Variants in CACNA2D1 observed in about 807,000 individuals in gnomAD.
CACNA2D1 encodes the protein voltage-dependent calcium channel subunit alpha-2/delta-1.
Under a neutral mutation model 171.5 loss-of-function variants are expected in CACNA2D1, and 53 were observed. The observed-to-expected ratio is 0.31, with a 90% CI of 0.25 to 0.39. The LOEUF (loss-of-function observed/expected upper bound fraction) is 0.39. Ranked by LOEUF, CACNA2D1 falls within the 10% of genes least tolerant of loss-of-function variation. The probability of loss-of-function intolerance (pLI) is 1.00; values close to 1 mark genes in which losing one functional copy is unlikely to be tolerated. For synonymous variants in CACNA2D1, 442 were observed against 443.1 expected (o/e 1.00, Z 0.03); for missense variants, 903 against 1,299.8 (o/e 0.69, Z 4.69).
chr7:82,077,205 TG>T lies in CACNA2D1; in HGVS notation c.658+7563del, dbSNP rs551795797. 2.3e-3 allele frequency among the ~76,000 whole-genome samples: 344 copies of T among 152,302 alleles called. 1 individual carries two copies. The highest frequency in any genetic ancestry group is 7.9e-3 in the African/African-American group (329 of 41,576). ...GTCCATATAGTAACCATAGCAGAGA[TG>T]CTTTTTGTTCCCCAATATCTGTTTT... is the stretch of plus-strand genomic sequence containing the variant. On this transcript the variant is annotated intron_variant, in intron 7 of 38. Transcript: ENST00000356860.
At chr7:82,039,817 T>A (rs1166354807) in intron 10 of CACNA2D1, among the ~76,000 whole-genome samples, 3 of 152,112 alleles carry the variant, frequency 2.0e-5, no homozygotes, top group African/African-American at 7.2e-5. Flanking sequence ...AGAAGCCTTT[T>A]TAAGAAAACA....
intron 3 of CACNA2D1, among the ~76,000 whole-genome samples, chr7:82,262,248 GT>G (rs752495646): frequency 2.6e-5 from 4 of 152,112 alleles, no homozygotes; most frequent in Non-Finnish European, 4.4e-5. Flanking sequence ...GGAGAATGGC[GT>G]GAACCCAGGA....
At chr7:82,426,628 T>G (rs1475758030) in intron 1 of CACNA2D1, among the ~76,000 whole-genome samples, 2 of 152,232 alleles carry the variant, frequency 1.3e-5, no homozygotes, top group East Asian at 3.8e-4. Flanking sequence ...TTATGTATCT[T>G]TAACGTTACA....
At chr7:81,970,848 C>G (rs1485146206) in intron 26 of CACNA2D1, 111 bp from the exon 27 acceptor site, 4 of 742,648 alleles carry the variant, frequency 5.4e-6, no homozygotes, top group African/African-American at 1.7e-5. Flanking sequence ...GGAAATATAT[C>G]AATAGATACA....
At chr7:82,282,009 T>C (rs1810169492) in intron 3 of CACNA2D1, among the ~76,000 whole-genome samples, 2 of 152,194 alleles carry the variant, frequency 1.3e-5, no homozygotes, top group African/African-American at 2.4e-5. Context: ...CTAAATCTAA[T>C]CTGTTGGCCA....
At chr7:82,144,255 C>T (rs1792729500) in intron 4 of CACNA2D1, among the ~76,000 whole-genome samples, 1 of 152,024 alleles carries the variant, frequency 6.6e-6, no homozygotes, top group Non-Finnish European at 1.5e-5. Flanking sequence ...TAATACCATA[C>T]TTCCTACAAT....
chr7:82,405,472 C>T (rs1001507656), intron 1 of CACNA2D1, among the ~76,000 whole-genome samples: 4 of 151,922 alleles, frequency 2.6e-5, no homozygotes, highest in African/African-American at 9.7e-5. Context: ...TTGCAACATC[C>T]CTGGGAAAAA....
intron 10 of CACNA2D1, among the ~76,000 whole-genome samples, chr7:82,046,333 A>G (rs1001061186): frequency 2.0e-5 from 3 of 152,192 alleles, no homozygotes; most frequent in Non-Finnish European, 4.4e-5. Context: ...AGAGACATAA[A>G]TATCTTCACT....
intron 6 of CACNA2D1, among the ~76,000 whole-genome samples, chr7:82,104,430 A>C (rs1271070725): frequency 6.6e-6 from 1 of 152,038 alleles, no homozygotes; most frequent in Non-Finnish European, 1.5e-5. Flanking sequence ...GTTTTCTTTT[A>C]ATCCACATTA....
chr7:82,295,439 C>T (rs1268081492), intron 3 of CACNA2D1, among the ~76,000 whole-genome samples: 1 of 151,698 alleles, frequency 6.6e-6, no homozygotes, highest in Non-Finnish European at 1.5e-5. Flanking sequence ...CAGGCTCCAG[C>T]GATCCTCCTG....
chr7:82,198,030 T>G (rs1799027936), intron 3 of CACNA2D1, among the ~76,000 whole-genome samples: 2 of 152,076 alleles, frequency 1.3e-5, no homozygotes, highest in South Asian at 4.1e-4. Context: ...GAGAGAGGAA[T>G]CCCAGTCCCT....
At chr7:82,012,328 G>A (rs1799889269) in intron 14 of CACNA2D1, 85 bp from the exon 15 acceptor site, 1 of 761,426 alleles carries the variant, frequency 1.3e-6, no homozygotes, top group Non-Finnish European at 2.3e-6. Context: ...AAATATTCTA[G>A]AGTTAAAAAT....
chr7:82,016,943 A>C (rs763460125), intron 12 of CACNA2D1, among the ~76,000 whole-genome samples: 72 of 152,212 alleles, frequency 4.7e-4, no homozygotes, highest in Non-Finnish European at 6.8e-4. Flanking sequence ...AGAGATTTTT[A>C]AAGACATTAT....
intron 7 of CACNA2D1, among the ~76,000 whole-genome samples, chr7:82,071,469 G>T (rs1352747069): frequency 6.6e-6 from 1 of 152,120 alleles, no homozygotes; most frequent in East Asian, 1.9e-4. Flanking sequence ...GCAGCAATGG[G>T]AATAGGGTAG....
At chr7:82,055,459 C>T (rs879345440) in intron 10 of CACNA2D1, among the ~76,000 whole-genome samples, 5 of 152,074 alleles carry the variant, frequency 3.3e-5, no homozygotes, top group Admixed American at 1.3e-4. Context: ...AAGACACATG[C>T]ACACGTATGT....
chr7:82,277,281 C>T (rs1223487445), intron 3 of CACNA2D1, among the ~76,000 whole-genome samples: 3 of 152,134 alleles, frequency 2.0e-5, no homozygotes, highest in Non-Finnish European at 4.4e-5. Context: ...CGGCTCATTG[C>T]AACCTCCACC....
At chr7:82,389,184 T>C (rs1824796908) in intron 1 of CACNA2D1, among the ~76,000 whole-genome samples, 1 of 148,712 alleles carries the variant, frequency 6.7e-6, no homozygotes, top group African/African-American at 2.4e-5. Flanking sequence ...ACACATTATG[T>C]GTATATATGT....
Position 82,400,480 on chromosome 7 carries a change from G to T in CACNA2D1, c.95+42885C>A, listed in dbSNP as rs556336902. ...AACGATTCCCTATTTAATAAATGGT[G>T]CTGGGAAAACTGGCTAGCCATATGT... On this transcript the variant is annotated intron_variant, in intron 1 of 38. Transcript: ENST00000356860. Among the ~76,000 whole-genome samples the T allele has an allele frequency of 5.3e-5, 8 of 152,114 alleles. No homozygotes were observed. In the South Asian group the frequency reaches 1.7e-3, roughly 32 times the overall value.
chr7:82,188,202 G>C (rs908894967), intron 3 of CACNA2D1, among the ~76,000 whole-genome samples: 2 of 151,786 alleles, frequency 1.3e-5, no homozygotes, highest in African/African-American at 4.8e-5. Context: ...GAATTTTGGG[G>C]GACATAAACA....
Sources: gnomAD v4.1 joint callset for allele counts (sites outside exome capture counted in the v4.1 genomes callset) on GRCh38, gnomAD v4.1.1 for gene constraint, MANE v1.5 for transcripts, NCBI Gene and HGNC (gene_info 2026-07-23, HGNC 2026-07-21) for gene names.